Variants in TIMM23B observed in about 807,000 individuals in gnomAD.
The protein encoded by TIMM23B is mitochondrial import inner membrane translocase subunit Tim23B.
A neutral mutation model predicts 27.3 loss-of-function variants in TIMM23B; 27 were observed. That is an observed-to-expected ratio of 0.99 (90% CI 0.73 to 1.36). TIMM23B has a LOEUF of 1.36. TIMM23B is among the 40% of genes most tolerant of loss of function. The pLI, the probability that TIMM23B is intolerant of heterozygous loss-of-function variation, is 0.00. For synonymous variants in TIMM23B, 73 were observed against 92.4 expected, an observed-to-expected ratio of 0.79 and a Z score of 1.21; for missense variants, 205 against 244.2, an observed-to-expected ratio of 0.84 and a Z score of 1.07.
chr10:49,952,751 A>G (rs201118772), intron 4 of TIMM23B, among the ~76,000 whole-genome samples: 115,267 of 142,972 alleles, frequency 0.81, 47,276 homozygotes, highest in Non-Finnish European at 0.89. Flanking sequence ...GTGTCCCTCA[A>G]TCAGCTAGTG....
chr10:49,945,110 A>C lies in TIMM23B; in HGVS notation c.165+20A>C. On this transcript the variant is annotated intron_variant, in intron 2 of 6. Coordinates refer to ENST00000651259, the MANE Select transcript of TIMM23B (RefSeq NM_001290117.2). Reference sequence around the variant, plus strand: ...GTGCAGGTAAGACTAAGATTTTACTAGTTTGGTGCATTATTTTACCATTTT... The same window carrying C: ...GTGCAGGTAAGACTAAGATTTTACTCGTTTGGTGCATTATTTTACCATTTT... 1 of 1,610,266 alleles carries C rather than the reference A, an allele frequency of 6.2e-7. No individual in the cohort carries two copies. The highest frequency in any genetic ancestry group is 8.5e-7 in the Non-Finnish European group (1 of 1,177,730).
chr10:49,958,445 C>G lies in TIMM23B; in HGVS notation c.479C>G (p.Ala160Gly). Reference protein sequence around the residue: ...GAEDDLNTVAAGTMTGMLYKC... With the variant: ...GAEDDLNTVAGGTMTGMLYKC... ...GAAGATGACCTTAACACAGTAGCAG[C>G]TGGAACCATGACAGGCATGTTGTAT... Residue 160 changes from alanine to glycine, a missense_variant, in exon 6 of 7, where the codon GCT (alanine) becomes GGT (glycine). By Grantham distance (60) the Ala-to-Gly change is moderately conservative. Transcript: ENST00000651259. 2 of 1,613,586 alleles carry G rather than the reference C, an allele frequency of 1.2e-6. No individual in the cohort carries two copies.
intron 6 of TIMM23B, among the ~76,000 whole-genome samples, chr10:49,961,579 G>T (rs1839910725): frequency 6.6e-6 from 1 of 151,200 alleles, no homozygotes; most frequent in African/African-American, 2.4e-5. Flanking sequence ...TTCCAGGCAA[G>T]ACTAAAGTCA....
chr10:49,945,571 G>A (rs1387675248), intron 2 of TIMM23B, among the ~76,000 whole-genome samples: 7 of 152,118 alleles, frequency 4.6e-5, no homozygotes, highest in Non-Finnish European at 7.4e-5. Context: ...AATAGAGACC[G>A]GGTTTCACCA....
chr10:49,945,883 C>T (rs1310165857), intron 2 of TIMM23B, among the ~76,000 whole-genome samples: 1 of 151,742 alleles, frequency 6.6e-6, no homozygotes, highest in Non-Finnish European at 1.5e-5. Flanking sequence ...CCAACACCCC[C>T]TTTAATGATT....
intron 2 of TIMM23B, among the ~76,000 whole-genome samples, chr10:49,950,195 T>C (rs1564679979): frequency 1.3e-5 from 2 of 149,936 alleles, no homozygotes; most frequent in African/African-American, 4.9e-5. Flanking sequence ...TTAAAAAAGT[T>C]TTTTCTTTTT....
At chr10:49,957,753 A>C (rs1166229095) in intron 5 of TIMM23B, among the ~76,000 whole-genome samples, 3 of 152,258 alleles carry the variant, frequency 2.0e-5, no homozygotes, top group Admixed American at 2.0e-4. Flanking sequence ...GACCCCATCC[A>C]CTTGGGCCTC....
intron 1 of TIMM23B, among the ~76,000 whole-genome samples, chr10:49,943,731 T>C (rs1839249368): frequency 6.7e-6 from 1 of 149,832 alleles, no homozygotes; most frequent in Non-Finnish European, 1.5e-5. Context: ...ATAGTGGTTT[T>C]TGTGGGTTTT....
Position 49,954,963 on chromosome 10 carries a change from G to A in TIMM23B, c.345-39G>A, listed in dbSNP as rs1839666133. On this transcript the variant is annotated intron_variant, in intron 4 of 6. Coordinates refer to ENST00000651259, the MANE Select transcript of TIMM23B (RefSeq NM_001290117.2). ...TTTTAAAGATTACTAGAGAAATAATGATTCTAAATACAGATTCTTTCTCTT... is the reference window on the plus strand; with the variant it reads ...TTTTAAAGATTACTAGAGAAATAATAATTCTAAATACAGATTCTTTCTCTT... 5 of 1,609,946 alleles carry A rather than the reference G, an allele frequency of 3.1e-6. No homozygotes were observed. The South Asian group carries it at 4.4e-5, about 14-fold the overall frequency.
Position 49,952,509 on chromosome 10 carries a change from C to T in TIMM23B, c.320C>T (p.Ala107Val). ...RLGLKETQNM[A>V]WSKPGNVQIL... ...GGATTGAAGGAAACCCAGAACATGG[C>T]CTGGTCCAAACCAGGAAATGTACAG... Residue 107 changes from alanine to valine, a missense_variant, in exon 4 of 7, where the codon GCC becomes GTC. Ala to Val is a moderately conservative substitution (Grantham distance 64, BLOSUM62 0). Transcript: ENST00000651259. 2 of 1,612,824 alleles carry T rather than the reference C, an allele frequency of 1.2e-6. No individual in the cohort carries two copies. The highest frequency in any genetic ancestry group is 1.7e-6 in the Non-Finnish European group (2 of 1,179,388).
intron 4 of TIMM23B, among the ~76,000 whole-genome samples, chr10:49,954,798 A>G: frequency 6.6e-6 from 1 of 150,638 alleles, no homozygotes; most frequent in East Asian, 1.9e-4. Flanking sequence ...ACTTTTGCCT[A>G]AAATTTTGAA....
intron 6 of TIMM23B, among the ~76,000 whole-genome samples, chr10:49,968,770 G>A (rs1840283405): frequency 6.6e-6 from 1 of 152,058 alleles, no homozygotes; most frequent in Non-Finnish European, 1.5e-5. Context: ...GGGAGGCAAG[G>A]CTTGCAGTGA....
rs530521518 is a variant in TIMM23B at position 49,964,931 on chromosome 10, A to G, written c.514+6451A>G. On this transcript the variant is annotated intron_variant, in intron 6 of 6. Transcript: ENST00000651259. The stretch of plus-strand genomic sequence containing the variant: ...AATGATGAAATAAATATGAAATGGA[A>G]CATGAAATACTGGGTGCAGTGGCTC... Among the ~76,000 whole-genome samples, 12 of 151,844 alleles carry G rather than the reference A, an allele frequency of 7.9e-5. No homozygotes were observed. The South Asian group carries it at 1.2e-3, about 16-fold the overall frequency.
At chr10:49,966,966 CTAGAG>C (rs1326063954) in intron 6 of TIMM23B, among the ~76,000 whole-genome samples, 2 of 151,626 alleles carry the variant, frequency 1.3e-5, no homozygotes, top group African/African-American at 4.8e-5. Context: ...GGGTCTCAGA[CTAGAG>C]TACAGTGGTG....
chr10:49,955,419 T>C (rs1215076130), intron 5 of TIMM23B, among the ~76,000 whole-genome samples: 1 of 152,230 alleles, frequency 6.6e-6, no homozygotes, highest in African/African-American at 2.4e-5. Context: ...TAGTGATACA[T>C]GATAAATTAA....
rs1839584673 is a variant in TIMM23B at position 49,952,898 on chromosome 10, A to G, written c.344+365A>G. ...AGATCCATAGGAAATGGTAATGAAG[A>G]ATAAGCAGCTCATGAGAGTGATGGC... On this transcript the variant is annotated intron_variant, in intron 4 of 6. Coordinates refer to ENST00000651259, the MANE Select transcript of TIMM23B (RefSeq NM_001290117.2). 4.6e-5 allele frequency among the ~76,000 whole-genome samples: 7 copies of G among 152,202 alleles called. No homozygotes were observed. The South Asian group carries it at 1.5e-3, about 32-fold the overall frequency.
At chr10:49,953,827 A>C (rs1180254173) in intron 4 of TIMM23B, among the ~76,000 whole-genome samples, 1 of 152,206 alleles carries the variant, frequency 6.6e-6, no homozygotes, top group Non-Finnish European at 1.5e-5. Flanking sequence ...CACATGAACC[A>C]TAACCCATCC....
chr10:49,960,504 A>G (rs1839862073), intron 6 of TIMM23B, among the ~76,000 whole-genome samples: 1 of 152,172 alleles, frequency 6.6e-6, no homozygotes, highest in African/African-American at 2.4e-5. Flanking sequence ...CTTAAAGTAG[A>G]AAGGAGGTCA....
intron 6 of TIMM23B, among the ~76,000 whole-genome samples, chr10:49,965,491 G>A (rs1184473899): frequency 3.4e-5 from 5 of 149,060 alleles, no homozygotes; most frequent in East Asian, 2.0e-4. Context: ...CAGACTGGGC[G>A]ATAGAGCGAG....
Sources: gnomAD v4.1 joint callset for allele counts (sites outside exome capture counted in the v4.1 genomes callset) on GRCh38, gnomAD v4.1.1 for gene constraint, MANE v1.5 for transcripts, NCBI Gene and HGNC (gene_info 2026-07-23, HGNC 2026-07-21) for gene names.